ANGPT2: variants seen among roughly 807,000 people sequenced by gnomAD.
ANGPT2 encodes angiopoietin-2.
In ANGPT2, 28 loss-of-function variants were observed where a neutral mutation model predicts 62.9. The ratio of observed to expected loss-of-function variants is 0.44; its 90% CI spans 0.33 to 0.61. The LOEUF is 0.61. Among genes scored for constraint, ANGPT2 ranks in the 20% least tolerant of loss-of-function variants. The pLI is 0.03. For missense variants in ANGPT2, 727 were observed against 594.9 expected (o/e 1.22, Z -2.31); for synonymous variants, 284 against 207.8 (o/e 1.37, Z -3.15).
At chr8:6,532,221 G>A (rs1028158097) in intron 2 of ANGPT2, 111 bp downstream of exon 2, 13 of 1,228,372 alleles carry the variant, frequency 1.1e-5, no homozygotes, top group Admixed American at 8.5e-5. Context: ...CTTTTCTCCT[G>A]TGGTGGTGCT....
At chr8:6,542,597 CTTA>C (rs1821816230) in intron 1 of ANGPT2, among the ~76,000 whole-genome samples, 1 of 150,348 alleles carries the variant, frequency 6.7e-6, no homozygotes, top group Non-Finnish European at 1.5e-5. Context: ...CTATTCTTAT[CTTA>C]AAAAAAAAAA....
intron 7 of ANGPT2, 47 bp downstream of exon 7, chr8:6,513,631 C>T (rs763635757): frequency 1.3e-6 from 2 of 1,564,552 alleles, no homozygotes; most frequent in Non-Finnish European, 1.7e-6. Context: ...CCGTGCCCGG[C>T]CACAAATCTT....
chr8:6,515,674 A>C (rs1816131479), intron 5 of ANGPT2, among the ~76,000 whole-genome samples: 2 of 152,264 alleles, frequency 1.3e-5, no homozygotes, highest in South Asian at 4.1e-4. Context: ...CAGTAGAACG[A>C]AACATGTTTT....
chr8:6,544,267 C>T (rs903593989), intron 1 of ANGPT2, among the ~76,000 whole-genome samples: 3 of 152,174 alleles, frequency 2.0e-5, no homozygotes, highest in African/African-American at 7.2e-5. Context: ...ACCCCATAAA[C>T]ACGTTCTACT....
intron 5 of ANGPT2, among the ~76,000 whole-genome samples, chr8:6,516,392 C>A (rs1816276191): frequency 6.6e-6 from 1 of 152,148 alleles, no homozygotes; most frequent in African/African-American, 2.4e-5. Flanking sequence ...AGTTACTCAC[C>A]TTCTAAGTGA....
At chr8:6,513,162 C>G (rs1164040629) in intron 7 of ANGPT2, among the ~76,000 whole-genome samples, 2 of 152,078 alleles carry the variant, frequency 1.3e-5, no homozygotes, top group African/African-American at 4.8e-5. Context: ...ACACAATGGA[C>G]AAAATACTGT....
intron 2 of ANGPT2, among the ~76,000 whole-genome samples, chr8:6,529,862 T>C (rs1287031396): frequency 6.9e-6 from 1 of 145,554 alleles, no homozygotes; most frequent in African/African-American, 2.5e-5. Flanking sequence ...GATAACATGA[T>C]ATCTAGTTTC....
Position 6,562,707 on chromosome 8 carries a change from C to T in ANGPT2, c.228G>A (p.Ser76=), listed in dbSNP as rs1450315124. 1 of 1,612,836 alleles carries T rather than the reference C, an allele frequency of 6.2e-7. No individual in the cohort carries two copies. The highest frequency in any genetic ancestry group is 8.5e-7 in the Non-Finnish European group (1 of 1,179,152). Residue 76 remains serine (S), a synonymous_variant, in exon 1 of 9, where the codon TCG becomes TCA. Coordinates refer to ENST00000629816, the MANE Select transcript of ANGPT2 (RefSeq NM_001118887.2). ...TCTCCAGCACTTGCAGCCTCTGCACCGAGTCATCGTATTCGAGCGGCGCGT... is the reference window on the plus strand; with the variant it reads ...TCTCCAGCACTTGCAGCCTCTGCACTGAGTCATCGTATTCGAGCGGCGCGT... ...QRDAPLEYDD[S]VQRLQVLENI...
chr8:6,508,905 A>G (rs200248525), intron 8 of ANGPT2, 27 bp downstream of exon 8: 16 of 1,613,808 alleles, frequency 9.9e-6, no homozygotes, highest in East Asian at 2.2e-5. Context: ...TGCCAATACA[A>G]ATAGGAAGAC....
intron 1 of ANGPT2, among the ~76,000 whole-genome samples, chr8:6,542,680 C>A (rs1453905914): frequency 6.6e-6 from 1 of 151,848 alleles, no homozygotes; most frequent in Non-Finnish European, 1.5e-5. Context: ...ATACTGATGG[C>A]CTTTTACGTC....
chr8:6,556,204 A>G (rs2922888), intron 1 of ANGPT2, among the ~76,000 whole-genome samples: 16,725 of 152,180 alleles, frequency 0.11, 2,695 homozygotes, highest in African/African-American at 0.36. Context: ...AATATGTACT[A>G]TATAATAAGT....
At chr8:6,513,199 A>G (rs1815527609) in intron 7 of ANGPT2, among the ~76,000 whole-genome samples, 2 of 152,346 alleles carry the variant, frequency 1.3e-5, no homozygotes, top group African/African-American at 4.8e-5. Context: ...TTATATTGTT[A>G]TAACCAAAGT....
intron 1 of ANGPT2, among the ~76,000 whole-genome samples, chr8:6,538,671 A>G (rs1820948614): frequency 6.6e-6 from 1 of 151,994 alleles, no homozygotes. Context: ...AAGCAAAGAT[A>G]CTCGTTTTGT....
At chr8:6,532,615 GCCTT>G in intron 1 of ANGPT2, 128 bp from the exon 2 acceptor site, 1 of 673,690 alleles carries the variant, frequency 1.5e-6, no homozygotes, top group South Asian at 4.1e-5. Flanking sequence ...CTTGTACCTT[GCCTT>G]CCTTTTGGAA....
chr8:6,536,782 G>C (rs919729201), intron 1 of ANGPT2, among the ~76,000 whole-genome samples: 8 of 152,088 alleles, frequency 5.3e-5, no homozygotes, highest in African/African-American at 1.9e-4. Flanking sequence ...CATCCACTTG[G>C]ATAGACAGAC....
chr8:6,502,273 C>T lies in ANGPT2; in HGVS notation c.*828G>A, dbSNP rs1430141118. On this transcript the variant is annotated 3_prime_UTR_variant, in exon 9 of 9. Coordinates refer to ENST00000629816, the MANE Select transcript of ANGPT2 (RefSeq NM_001118887.2). ...CAAATTATAAAATTGTAAATATTAT[C>T]ATAAAAGTTAAACATAGGCATATCC... The T allele has an allele frequency of 2.6e-5, 4 of 152,024 alleles. No individual in the cohort carries two copies. Among genetic ancestry groups the T allele is most frequent in the African/African-American group, 9.7e-5 (4 of 41,390 alleles). The allele number at this position is 152,024 out of a possible 1,614,324, so 9.4% of individuals were successfully genotyped here. A position where few individuals can be genotyped will look rare whatever the true frequency, so the allele number is the denominator to read the frequency against.
chr8:6,552,253 C>T (rs1036520972), intron 1 of ANGPT2, among the ~76,000 whole-genome samples: 5 of 152,160 alleles, frequency 3.3e-5, no homozygotes, highest in East Asian at 3.8e-4. Context: ...GCATTGCTTA[C>T]GACTCACACT....
At chr8:6,555,975 T>C (rs912244225) in intron 1 of ANGPT2, among the ~76,000 whole-genome samples, 2 of 152,164 alleles carry the variant, frequency 1.3e-5, no homozygotes, top group East Asian at 3.9e-4. Flanking sequence ...AACAAAGCTG[T>C]GCTCTCAGCA....
intron 8 of ANGPT2, among the ~76,000 whole-genome samples, chr8:6,505,343 TA>T (rs1813259492): frequency 6.6e-5 from 3 of 45,614 alleles, no homozygotes; most frequent in African/African-American, 2.7e-4. Flanking sequence ...AGAAAGAATA[TA>T]TATATTCTTT....
Sources: allele counts gnomAD v4.1 joint callset (sites outside exome capture counted in the v4.1 genomes callset), GRCh38; gene constraint gnomAD v4.1.1; transcripts MANE v1.5; gene names NCBI Gene and HGNC (gene_info 2026-07-23, HGNC 2026-07-21).